The following TRMT9B variants were observed in gnomAD, a reference collection of about 807,000 sequenced individuals.
TRMT9B encodes the protein probable tRNA methyltransferase 9B.
TRMT9B carries 16 observed loss-of-function variants against 11.5 expected under a neutral mutation model. That is an observed-to-expected ratio of 1.39 (90% CI 0.94 to 2.11). The LOEUF is 2.11. TRMT9B is among the 30% of genes most tolerant of loss of function. The pLI is 0.00. For synonymous variants in TRMT9B, 274 were observed against 192.4 expected, an observed-to-expected ratio of 1.42 and a Z score of -3.51; for missense variants, 941 against 553.8, an observed-to-expected ratio of 1.70 and a Z score of -7.02.
intron 2 of TRMT9B, among the ~76,000 whole-genome samples, chr8:12,992,133 A>G (rs1039748373): frequency 2.0e-5 from 3 of 152,172 alleles, no homozygotes; most frequent in Admixed American, 2.0e-4. Context: ...CAGCTCCTTG[A>G]TTCATTGGAT....
intron 1 of TRMT9B, among the ~76,000 whole-genome samples, chr8:12,983,215 G>A (rs1285715020): frequency 6.6e-6 from 1 of 152,160 alleles, no homozygotes; most frequent in East Asian, 1.9e-4. Context: ...AGTGCCTGTC[G>A]ATGGCATGGT....
intron 1 of TRMT9B, chr8:12,952,284 G>C: frequency 2.6e-6 from 1 of 388,564 alleles, no homozygotes; most frequent in Non-Finnish European, 5.4e-6. Context: ...CTCGGCGCCC[G>C]CCCGCAGGGA....
chr8:13,013,913 C>T (rs1318511679), intron 4 of TRMT9B, among the ~76,000 whole-genome samples: 1 of 152,030 alleles, frequency 6.6e-6, no homozygotes, highest in East Asian at 1.9e-4. Flanking sequence ...CACACCACTG[C>T]ACTCCAGCCT....
rs188223492 is a variant in TRMT9B at position 13,003,790 on chromosome 8, C to A, written c.-1-2412C>A. Among the ~76,000 whole-genome samples the A allele has an allele frequency of 2.3e-3, 351 of 150,888 alleles. 1 individual carries two copies. The highest frequency in any genetic ancestry group is 3.3e-3 in the Non-Finnish European group (227 of 67,840). On this transcript the variant is annotated intron_variant, in intron 2 of 4. Coordinates refer to ENST00000524591, the MANE Select transcript of TRMT9B (RefSeq NM_020844.3). ...TGTGTCCCCACTCCGCCACCCTCCC[C>A]ACAAGGACCAGAGTTAACACACAAA...
At chr8:12,991,203 T>C (rs1448134083) in intron 2 of TRMT9B, among the ~76,000 whole-genome samples, 172 bp downstream of exon 2, 1 of 152,234 alleles carries the variant, frequency 6.6e-6, no homozygotes, top group Non-Finnish European at 1.5e-5. Flanking sequence ...TATTTGAAAG[T>C]AGTTGTACAG....
At chr8:12,980,533 A>G (rs550416018) in intron 1 of TRMT9B, among the ~76,000 whole-genome samples, 2 of 152,278 alleles carry the variant, frequency 1.3e-5, no homozygotes, top group African/African-American at 4.8e-5. Flanking sequence ...GTGAGAGGCA[A>G]GGTTCTGCAT....
Position 13,012,094 on chromosome 8 carries a change from G to A in TRMT9B, c.155-590G>A, listed in dbSNP as rs529846439. 4 of 985,378 alleles carry A rather than the reference G, an allele frequency of 4.1e-6. No homozygotes were observed. The Admixed American group carries it at 1.8e-4, about 45-fold the overall frequency. The allele number at this position is 985,378 out of a possible 1,614,324, so 61.0% of individuals were successfully genotyped here. The stretch of plus-strand genomic sequence containing the variant: ...TCTTTCTTGCCTTGGACCAGCTAAC[G>A]TGCCTTGGTTGCGCCAGTGTACTGA... On this transcript the variant is annotated intron_variant, in intron 3 of 4. Transcript: ENST00000524591.
In TRMT9B at chr8:12,990,719, A is replaced by C. The variant is rs188107518; in HGVS notation, c.-199-115A>C. ...ACTCCACATATTAACAATTCTTTCT[A>C]ATCCCTACTTGGCTGGGTAATTTAT... is the stretch of plus-strand genomic sequence containing the variant. On this transcript the variant is annotated intron_variant, in intron 1 of 4. Transcript: ENST00000524591. The C allele has an allele frequency of 1.2e-5, 5 of 407,696 alleles. No homozygotes were observed. In the East Asian group the frequency reaches 3.9e-4, roughly 32 times the overall value. The allele number at this position is 407,696 out of a possible 1,614,324, so 25.3% of individuals were successfully genotyped here. A position where few individuals can be genotyped will look rare whatever the true frequency, so the allele number is the denominator to read the frequency against.
At chr8:12,964,552 A>G (rs903585720) in intron 1 of TRMT9B, among the ~76,000 whole-genome samples, 4 of 152,150 alleles carry the variant, frequency 2.6e-5, no homozygotes, top group Non-Finnish European at 1.5e-5. Flanking sequence ...TTAACTCTAA[A>G]TAATTGCTTT....
At position 13,023,632 on chromosome 8, in the gene TRMT9B, T is replaced by G. The variant is rs992105568; in HGVS notation, c.*1588T>G. 1 of 167,102 alleles carries G rather than the reference T, an allele frequency of 6.0e-6. No individual in the cohort carries two copies. Among genetic ancestry groups the G allele is most frequent in the African/African-American group, 2.4e-5 (1 of 41,462 alleles). 10.4% of individuals were successfully genotyped at this position (167,102 alleles called of 1,614,324 possible). A position where few individuals can be genotyped will look rare whatever the true frequency, so the allele number is the denominator to read the frequency against. ...GACCCAGGAGTACAGTCTCAAGTAGTTCATTAATGAGAAAATTGACATCTG... is the reference window on the plus strand; with the variant it reads ...GACCCAGGAGTACAGTCTCAAGTAGGTCATTAATGAGAAAATTGACATCTG... On this transcript the variant is annotated 3_prime_UTR_variant, in exon 5 of 5. Coordinates refer to ENST00000524591, the MANE Select transcript of TRMT9B (RefSeq NM_020844.3).
chr8:13,007,897 A>G (rs1810783441), intron 3 of TRMT9B, among the ~76,000 whole-genome samples: 1 of 152,240 alleles, frequency 6.6e-6, no homozygotes, highest in South Asian at 2.1e-4. Flanking sequence ...TTGTTATTTA[A>G]AATATTCTCA....
chr8:12,956,727 C>A (rs941337494), intron 1 of TRMT9B, among the ~76,000 whole-genome samples: 4 of 152,206 alleles, frequency 2.6e-5, no homozygotes, highest in African/African-American at 9.7e-5. Flanking sequence ...TAACTTTCAG[C>A]ATGCTCATTT....
intron 3 of TRMT9B, among the ~76,000 whole-genome samples, chr8:13,010,075 T>A (rs1411671802): frequency 6.6e-6 from 1 of 151,748 alleles, no homozygotes; most frequent in East Asian, 1.9e-4. Flanking sequence ...GAGGCAGAGG[T>A]TGCAGTGAGC....
At chr8:13,014,321 A>G (rs994743864) in intron 4 of TRMT9B, among the ~76,000 whole-genome samples, 1 of 152,212 alleles carries the variant, frequency 6.6e-6, no homozygotes, top group African/African-American at 2.4e-5. Context: ...CGCTTAAACA[A>G]CAGACATTTA....
At chr8:12,978,423 C>G (rs1804790997) in intron 1 of TRMT9B, among the ~76,000 whole-genome samples, 1 of 152,082 alleles carries the variant, frequency 6.6e-6, no homozygotes, top group African/African-American at 2.4e-5. Flanking sequence ...TTTTCTTTAC[C>G]TACAACTGTC....
In TRMT9B at chr8:13,021,457, A is replaced by C. The variant is rs772251263; in HGVS notation, c.778A>C (p.Thr260Pro). 1.2e-5 allele frequency: 20 copies of C among 1,613,968 alleles called. No homozygotes were observed. Among genetic ancestry groups the C allele is most frequent in the Non-Finnish European group, 1.7e-5 (20 of 1,179,880 alleles). Residue 260 changes from threonine to proline, a missense_variant, in exon 5 of 5, where the codon ACT becomes CCT. Coordinates refer to ENST00000524591, the MANE Select transcript of TRMT9B (RefSeq NM_020844.3). ...TTTCTCCAGATCTTTGGATGAATCGACTCTGAGGAAGCAAATTGAAAGAGT... is the reference window on the plus strand; with the variant it reads ...TTTCTCCAGATCTTTGGATGAATCGCCTCTGAGGAAGCAAATTGAAAGAGT... The part of the protein sequence containing the change: ...WFFSRSLDES[T>P]LRKQIERVRP...
chr8:13,022,873 C>A lies in TRMT9B; in HGVS notation c.*829C>A, dbSNP rs1305971196. On this transcript the variant is annotated 3_prime_UTR_variant, in exon 5 of 5. Coordinates refer to ENST00000524591, the MANE Select transcript of TRMT9B (RefSeq NM_020844.3). ...TGGTGCATGCCTGTCATCCAAGCTA[C>A]TCAAGAGACTGAGGCAGGAGGATCA... 2 of 166,306 alleles carry A rather than the reference C, an allele frequency of 1.2e-5. No individual in the cohort carries two copies. The highest frequency in any genetic ancestry group is 4.8e-5 in the African/African-American group (2 of 41,392). 10.3% of individuals were successfully genotyped at this position (166,306 alleles called of 1,614,324 possible).
At position 13,021,278 on chromosome 8, in the gene TRMT9B, CTG is replaced by C; in HGVS notation, c.601_602del (p.Val201LeufsTer3). The C allele has an allele frequency of 6.2e-7, 1 of 1,613,920 alleles. No homozygotes were observed. The highest frequency in any genetic ancestry group is 2.2e-5 in the East Asian group (1 of 44,878). On this transcript the variant is annotated frameshift_variant, in exon 5 of 5. Coordinates refer to ENST00000524591, the MANE Select transcript of TRMT9B (RefSeq NM_020844.3). LOFTEE classifies it low-confidence loss of function (END_TRUNC). ...CCTCCTTGCTCTGAGTGTAGCTGTT[CTG>C]TTTGTTTTAAAGAGCAGTGTGGTTC...
intron 1 of TRMT9B, among the ~76,000 whole-genome samples, chr8:12,954,681 G>C (rs755719895): frequency 2.6e-5 from 4 of 152,348 alleles, no homozygotes; most frequent in Non-Finnish European, 5.9e-5. Context: ...AGACTGAAGA[G>C]TGATGCCAAA....
Sources: gnomAD v4.1 joint callset for allele counts (sites outside exome capture counted in the v4.1 genomes callset) on GRCh38, gnomAD v4.1.1 for gene constraint, MANE v1.5 for transcripts, NCBI Gene and HGNC (gene_info 2026-07-23, HGNC 2026-07-21) for gene names.